GRIN2A: variants seen among roughly 807,000 people sequenced by gnomAD.
GRIN2A encodes glutamate ionotropic receptor NMDA type subunit 2A, also known as glutamate receptor ionotropic, NMDA 2A.
GRIN2A carries 22 observed loss-of-function variants against 113.4 expected under a neutral mutation model. The ratio of observed to expected loss-of-function variants is 0.19; its 90% CI spans 0.14 to 0.28. The LOEUF is 0.28. Among genes scored for constraint, GRIN2A ranks in the 10% least tolerant of loss-of-function variants. The pLI, the probability that GRIN2A is intolerant of heterozygous loss-of-function variation, is 1.00. For missense variants in GRIN2A, 1,502 were observed against 1,887.0 expected (o/e 0.80, Z 3.78); for synonymous variants, 827 against 738.4 (o/e 1.12, Z -1.94).
chr16:10,178,455 T>C (rs2050194250), intron 2 of GRIN2A, among the ~76,000 whole-genome samples: 2 of 152,202 alleles, frequency 1.3e-5, no homozygotes, highest in African/African-American at 4.8e-5. Flanking sequence ...CTCAGTCACT[T>C]CATCTGAAAG....
At chr16:10,079,710 G>T (rs541928294) in intron 2 of GRIN2A, among the ~76,000 whole-genome samples, 3 of 152,194 alleles carry the variant, frequency 2.0e-5, no homozygotes, top group Admixed American at 6.5e-5. Flanking sequence ...GACTTAAGCA[G>T]CCTACAGAAC....
chr16:9,841,249 C>G lies in GRIN2A; in HGVS notation c.1329-145G>C, dbSNP rs7194922. On this transcript the variant is annotated intron_variant, in intron 5 of 12. Transcript: ENST00000330684. ...CTTTCCCAAGGACACACTGTGAGTA[C>G]ATGACAGCAAAAGCAGAAAGTGTCC... The G allele has an allele frequency of 5.5e-3, 3,974 of 725,142 alleles. 132 individuals are homozygous for G. The African/African-American group carries it at 0.061, about 11-fold the overall frequency. 44.9% of individuals were successfully genotyped at this position (725,142 alleles called of 1,614,324 possible).
intron 2 of GRIN2A, among the ~76,000 whole-genome samples, chr16:10,077,666 G>C (rs1331602799): frequency 6.6e-6 from 1 of 152,156 alleles, no homozygotes; most frequent in Non-Finnish European, 1.5e-5. Context: ...TTTGGCCTCC[G>C]GTTACCTTTC....
chr16:9,812,334 G>C (rs569818418), intron 10 of GRIN2A, among the ~76,000 whole-genome samples: 1 of 152,134 alleles, frequency 6.6e-6, no homozygotes, highest in African/African-American at 2.4e-5. Flanking sequence ...AATGGAATCT[G>C]TTAGTTAGAA....
intron 3 of GRIN2A, among the ~76,000 whole-genome samples, chr16:9,921,110 C>G (rs1427208601): frequency 6.6e-6 from 1 of 152,206 alleles, no homozygotes; most frequent in African/African-American, 2.4e-5. Context: ...CCAGGAAAGA[C>G]TAGCTTCTCC....
intron 2 of GRIN2A, among the ~76,000 whole-genome samples, chr16:10,076,258 A>G (rs2047870730): frequency 6.6e-6 from 1 of 152,110 alleles, no homozygotes; most frequent in South Asian, 2.1e-4. Context: ...TGCATTAGGT[A>G]CAGCTAAGCT....
chr16:9,973,338 G>T (rs753201642), intron 2 of GRIN2A, among the ~76,000 whole-genome samples: 18 of 152,226 alleles, frequency 1.2e-4, no homozygotes, highest in Non-Finnish European at 2.6e-4. Context: ...TTCTCTGAAG[G>T]TTATTTTGGC....
intron 2 of GRIN2A, among the ~76,000 whole-genome samples, chr16:10,043,562 C>T (rs539642515): frequency 6.6e-6 from 1 of 152,264 alleles, no homozygotes; most frequent in African/African-American, 2.4e-5. Context: ...CAGTATCCTA[C>T]AAAGATGCCA....
intron 10 of GRIN2A, among the ~76,000 whole-genome samples, chr16:9,807,451 G>A (rs867284637): frequency 1.4e-5 from 2 of 143,060 alleles, no homozygotes; most frequent in Non-Finnish European, 3.1e-5. Flanking sequence ...GACAGAGAGA[G>A]AGAGAAAGAG....
chr16:10,088,556 T>C (rs773042084), intron 2 of GRIN2A, among the ~76,000 whole-genome samples: 34 of 152,236 alleles, frequency 2.2e-4, no homozygotes, highest in Admixed American at 6.5e-4. Context: ...GGCCGCGGGC[T>C]GTCTGGGGAA....
At chr16:10,095,787 A>G (rs968444437) in intron 2 of GRIN2A, among the ~76,000 whole-genome samples, 8 of 152,174 alleles carry the variant, frequency 5.3e-5, no homozygotes, top group African/African-American at 1.9e-4. Context: ...CAAAATTAAT[A>G]TCACCAATAT....
At chr16:10,108,369 C>T (rs565990779) in intron 2 of GRIN2A, among the ~76,000 whole-genome samples, 1 of 152,324 alleles carries the variant, frequency 6.6e-6, no homozygotes, top group Admixed American at 6.5e-5. Context: ...GATTCAGTTA[C>T]CTCCCACTGG....
intron 2 of GRIN2A, among the ~76,000 whole-genome samples, chr16:10,165,822 G>A (rs1013954188): frequency 1.3e-5 from 2 of 151,414 alleles, no homozygotes; most frequent in African/African-American, 4.9e-5. Context: ...AAAAAGAAGA[G>A]AGGAGAAGAG....
intron 4 of GRIN2A, among the ~76,000 whole-genome samples, chr16:9,884,752 T>C (rs1306338573): frequency 7.7e-5 from 6 of 78,402 alleles, no homozygotes; most frequent in African/African-American, 3.9e-4. Flanking sequence ...GAGAATTTCT[T>C]TTTTTTTTTT....
intron 11 of GRIN2A, among the ~76,000 whole-genome samples, chr16:9,772,279 C>A (rs1020572510): frequency 2.6e-5 from 4 of 152,212 alleles, no homozygotes; most frequent in Non-Finnish European, 1.5e-5. Flanking sequence ...GTACCTCAGA[C>A]CTGCACGGCT....
rs150076127 is a variant in GRIN2A, at chr16:10,043,075, T to C, written c.415-104524A>G. Among the ~76,000 whole-genome samples the C allele has an allele frequency of 1.2e-3, 176 of 152,366 alleles. 2 individuals carry two copies. The highest frequency in any genetic ancestry group is 0.01 in the Middle Eastern group (3 of 294). On this transcript the variant is annotated intron_variant, in intron 2 of 12. Coordinates refer to ENST00000330684, the MANE Select transcript of GRIN2A (RefSeq NM_001134407.3). ...TCTCATAATTACTTGCAGCTAAACA[T>C]ACCCCAACTCATTCAAGGAGCTACT... is the stretch of plus-strand genomic sequence containing the variant.
chr16:9,942,515 G>T (rs2044908231), intron 2 of GRIN2A, among the ~76,000 whole-genome samples: 1 of 152,176 alleles, frequency 6.6e-6, no homozygotes, highest in Non-Finnish European at 1.5e-5. Context: ...AGAAGTGGGA[G>T]ACTCATCTGT....
At chr16:9,924,110 C>CAAAAAAAAA (rs921695456) in intron 3 of GRIN2A, among the ~76,000 whole-genome samples, 4 of 18,198 alleles carry the variant, frequency 2.2e-4, no homozygotes, top group African/African-American at 5.3e-4. Context: ...GACTTGGTCT[C>CAAAAAAAAA]AAAAAAAAAA....
intron 9 of GRIN2A, among the ~76,000 whole-genome samples, chr16:9,825,412 T>C (rs943622638): frequency 1.3e-5 from 2 of 152,022 alleles, no homozygotes; most frequent in Admixed American, 1.3e-4. Flanking sequence ...GATTATTTTC[T>C]AATTTTTTTT....
Sources: allele counts gnomAD v4.1 joint callset (sites outside exome capture counted in the v4.1 genomes callset), GRCh38; gene constraint gnomAD v4.1.1; transcripts MANE v1.5; gene names NCBI Gene and HGNC (gene_info 2026-07-23, HGNC 2026-07-21).